Variants in TIPIN observed in about 807,000 individuals in gnomAD.
TIPIN encodes the protein TIMELESS-interacting protein.
Under a neutral mutation model 35.6 loss-of-function variants are expected in TIPIN, and 29 were observed. That is an observed-to-expected ratio of 0.82 (90% CI 0.61 to 1.11). The LOEUF (loss-of-function observed/expected upper bound fraction) is 1.11. Among genes scored for constraint, TIPIN ranks in the 50% most tolerant of loss-of-function variants. The pLI, the probability that TIPIN is intolerant of heterozygous loss-of-function variation, is 0.00. For synonymous variants in TIPIN, 102 were observed against 121.5 expected (o/e 0.84, Z 1.06); for missense variants, 296 against 345.4 (o/e 0.86, Z 1.13).
chr15:66,382,488 C>A (rs1757980306), intron 1 of TIPIN, among the ~76,000 whole-genome samples: 1 of 152,138 alleles, frequency 6.6e-6, no homozygotes, highest in South Asian at 2.1e-4. Flanking sequence ...GATCATCCCA[C>A]CTCAGCCTCC....
chr15:66,383,351 C>G (rs181414615), intron 1 of TIPIN, among the ~76,000 whole-genome samples: 1 of 151,876 alleles, frequency 6.6e-6, no homozygotes, highest in African/African-American at 2.4e-5. Flanking sequence ...TAACCTCCAC[C>G]TCCTGGGTTC....
chr15:66,349,636 TGGGA>T (rs1834881167), intron 4 of TIPIN, among the ~76,000 whole-genome samples, 199 bp from the exon 5 acceptor site: 2 of 152,156 alleles, frequency 1.3e-5, no homozygotes, highest in African/African-American at 4.8e-5. Context: ...TCTAGCACTA[TGGGA>T]GGCCTAGGGG....
chr15:66,364,981 AG>A (rs1418123341), intron 1 of TIPIN, among the ~76,000 whole-genome samples: 1 of 151,144 alleles, frequency 6.6e-6, no homozygotes, highest in Non-Finnish European at 1.5e-5. Flanking sequence ...AAAAAGAAAA[AG>A]AAAAAGAAAG....
At chr15:66,355,898 G>A (rs1305712286) in intron 1 of TIPIN, among the ~76,000 whole-genome samples, 1 of 152,118 alleles carries the variant, frequency 6.6e-6, no homozygotes, top group Non-Finnish European at 1.5e-5. Flanking sequence ...GTGTACTCAG[G>A]AACTGGCCAA....
intron 1 of TIPIN, among the ~76,000 whole-genome samples, chr15:66,363,187 G>C (rs547161045): frequency 3.3e-5 from 5 of 152,252 alleles, no homozygotes; most frequent in African/African-American, 9.6e-5. Context: ...AGACCAGCCT[G>C]GGCAACATAG....
intron 7 of TIPIN, among the ~76,000 whole-genome samples, chr15:66,338,813 CAAAAAAAAA>C (rs35966273): frequency 1.7e-4 from 6 of 35,292 alleles, no homozygotes; most frequent in Non-Finnish European, 2.6e-4. Context: ...GACTCCGTCT[CAAAAAAAAA>C]AAAAAAAAAA....
chr15:66,379,901 G>C, intron 1 of TIPIN: 1 of 1,546,676 alleles, frequency 6.5e-7, no homozygotes, highest in Non-Finnish European at 8.8e-7. Flanking sequence ...TCTGATTAAT[G>C]AGAATGGTCT....
chr15:66,375,463 C>T (rs971932647), intron 1 of TIPIN, among the ~76,000 whole-genome samples: 22 of 148,750 alleles, frequency 1.5e-4, no homozygotes, highest in African/African-American at 5.4e-4. Flanking sequence ...GCATGAGCCA[C>T]GACGCCCAGC....
rs545564347 is a variant in TIPIN at position 66,381,158 on chromosome 15, G to A, written c.-9+5449C>T. ...CTCTATAAATTATTCTCCTTCGGCC[G>A]GGCACGGTGGCTCACACCTGTAATC... On this transcript the variant is annotated intron_variant, in intron 1 of 7. Coordinates refer to the TIPIN transcript ENST00000562124. Among the ~76,000 whole-genome samples the A allele has an allele frequency of 1.7e-4, 26 of 152,060 alleles. No homozygotes were observed. In the South Asian group the frequency reaches 3.5e-3, roughly 21 times the overall value.
At chr15:66,356,452 C>A (rs1003481880) in intron 1 of TIPIN, among the ~76,000 whole-genome samples, 187 bp downstream of exon 1, 2 of 152,146 alleles carry the variant, frequency 1.3e-5, no homozygotes, top group African/African-American at 4.8e-5. Context: ...GCAACCGGGA[C>A]ACGCGCCCAC....
At chr15:66,356,424 A>C (rs1384881731) in intron 1 of TIPIN, among the ~76,000 whole-genome samples, 1 of 152,108 alleles carries the variant, frequency 6.6e-6, no homozygotes, top group Non-Finnish European at 1.5e-5. Context: ...GCAGAGTAAG[A>C]GGCATCCCAA....
At chr15:66,371,186 G>T (rs1436498558) in intron 1 of TIPIN, 2 of 961,202 alleles carry the variant, frequency 2.1e-6, no homozygotes, top group Non-Finnish European at 2.5e-6. Flanking sequence ...ACTGCAGGCT[G>T]GGCAACAGAG....
At chr15:66,357,282 A>G (rs1300301568), upstream of TIPIN, among the ~76,000 whole-genome samples, 1 of 152,180 alleles carries the variant, frequency 6.6e-6, no homozygotes, top group Non-Finnish European at 1.5e-5. Flanking sequence ...GGAGGAGGAA[A>G]AAGGACAGAG....
intron 6 of TIPIN, among the ~76,000 whole-genome samples, chr15:66,345,619 C>A (rs184006743): frequency 1.2e-4 from 18 of 151,984 alleles, no homozygotes; most frequent in Admixed American, 7.2e-4. Flanking sequence ...GAGGCTGAGG[C>A]AGGAGAATCA....
chr15:66,352,229 C>T, intron 2 of TIPIN, 22 bp from the exon 3 acceptor site: 1 of 1,507,946 alleles, frequency 6.6e-7, no homozygotes, highest in Non-Finnish European at 9.1e-7. Flanking sequence ...AACCACGATT[C>T]AGTATTACTG....
chr15:66,367,992 GCTGA>G (rs1273983404), intron 1 of TIPIN, among the ~76,000 whole-genome samples: 3 of 150,976 alleles, frequency 2.0e-5, no homozygotes, highest in Non-Finnish European at 4.4e-5. Context: ...CGCCACCATG[GCTGA>G]CTAATTTTTG....
At chr15:66,384,277 A>G (rs1001385581) in intron 1 of TIPIN, among the ~76,000 whole-genome samples, 7 of 144,454 alleles carry the variant, frequency 4.8e-5, no homozygotes, top group Non-Finnish European at 7.5e-5. Context: ...GATTACAGGC[A>G]TGAGCCACCG....
chr15:66,349,172 TG>T (rs773203336), intron 5 of TIPIN, 49 bp from the exon 6 acceptor site: 3 of 1,600,034 alleles, frequency 1.9e-6, no homozygotes, highest in Middle Eastern at 2.2e-4. Context: ...CCAATCATGT[TG>T]GGGGGAGATA....
chr15:66,370,467 G>A (rs1008724778), intron 1 of TIPIN, among the ~76,000 whole-genome samples: 25 of 151,852 alleles, frequency 1.6e-4, no homozygotes, highest in African/African-American at 5.8e-4. Flanking sequence ...GATGTCCTTG[G>A]TGGGGGGCTG....
Sources: gnomAD v4.1 joint callset for allele counts (sites outside exome capture counted in the v4.1 genomes callset) on GRCh38, gnomAD v4.1.1 for gene constraint, MANE v1.5 for transcripts, NCBI Gene and HGNC (gene_info 2026-07-23, HGNC 2026-07-21) for gene names.